Variants in CEACAM8 observed in about 807,000 individuals in gnomAD.
CEACAM8 encodes cell adhesion molecule CEACAM8.
CEACAM8 carries 31 observed loss-of-function variants against 33.4 expected under a neutral mutation model. That is an observed-to-expected ratio of 0.93 (90% CI 0.70 to 1.25). CEACAM8 has a LOEUF of 1.25. CEACAM8 is among the 50% of genes most tolerant of loss of function. The probability of loss-of-function intolerance (pLI) is 0.00; values close to 1 mark genes in which losing one functional copy is unlikely to be tolerated. For synonymous variants in CEACAM8, 138 were observed against 164.5 expected (o/e 0.84, Z 1.23); for missense variants, 388 against 434.6 (o/e 0.89, Z 0.95).
chr19:42,589,022 G>T lies in CEACAM8; in HGVS notation c.720C>A (p.Pro240=). Residue 240 remains proline (P), a synonymous_variant, in exon 4 of 6, where the codon CCC becomes CCA. Transcript: ENST00000244336. The part of the protein sequence containing the change: ...TLNVLYGPDA[P]TISPSDTYYH... ...AATAGGTGTCTGAAGGGGAAATGGT[G>T]GGGGCATCTGGGCCATCTAGAGCAA... The T allele has an allele frequency of 6.2e-7, 1 of 1,613,538 alleles. No homozygotes were observed. The highest frequency in any genetic ancestry group is 8.5e-7 in the Non-Finnish European group (1 of 1,179,534).
intron 3 of CEACAM8, 150 bp from the exon 4 acceptor site, chr19:42,589,188 GA>G (rs1409866385): frequency 1.9e-6 from 2 of 1,062,410 alleles, no homozygotes; most frequent in Non-Finnish European, 2.7e-6. Context: ...TGTTTCTACT[GA>G]GACAGAGTCC....
intron 3 of CEACAM8, 49 bp downstream of exon 3, chr19:42,589,408 G>A (rs758297033): frequency 8.7e-6 from 14 of 1,612,690 alleles, no homozygotes; most frequent in Admixed American, 8.3e-5. Context: ...CTCTGGCTGC[G>A]TGGATTTGGG....
chr19:42,581,946 TA>T (rs1555805384), intron 5 of CEACAM8, among the ~76,000 whole-genome samples: 1 of 84,076 alleles, frequency 1.2e-5, no homozygotes, highest in Non-Finnish European at 2.3e-5. Context: ...TATATATATA[TA>T]AAATAAGGTG....
chr19:42,591,094 G>A (rs531869611), intron 2 of CEACAM8, among the ~76,000 whole-genome samples: 42 of 152,062 alleles, frequency 2.8e-4, no homozygotes, highest in Non-Finnish European at 5.6e-4. Context: ...GATTTTTGAT[G>A]GTCAATGTGT....
chr19:42,588,229 C>T (rs1266221636), intron 4 of CEACAM8, among the ~76,000 whole-genome samples: 2 of 152,150 alleles, frequency 1.3e-5, no homozygotes, highest in African/African-American at 2.4e-5. Context: ...GCCACCTGAG[C>T]ACCTTTTCCA....
chr19:42,582,627 G>T (rs1306450718), intron 5 of CEACAM8, among the ~76,000 whole-genome samples: 1 of 152,164 alleles, frequency 6.6e-6, no homozygotes. Context: ...CATAGCATTG[G>T]AACTAAGAAT....
Position 42,591,570 on chromosome 19 carries a change from C to A in CEACAM8, c.425-1835G>T, listed in dbSNP as rs374902521. On this transcript the variant is annotated intron_variant, in intron 2 of 5. Coordinates refer to ENST00000244336, the MANE Select transcript of CEACAM8 (RefSeq NM_001816.4). ...GAGCCCAAAACAGGTATGCGCAATG[C>A]TTTCTTCATTTTCTCTTGACCTCGG... Among the ~76,000 whole-genome samples, 37 of 152,320 alleles carry A rather than the reference C, an allele frequency of 2.4e-4. No homozygotes were observed. In the South Asian group the frequency reaches 7.7e-3, roughly 32 times the overall value.
chr19:42,589,153 CA>C, intron 3 of CEACAM8, 115 bp from the exon 4 acceptor site: 1 of 1,225,446 alleles, frequency 8.2e-7, no homozygotes, highest in Non-Finnish European at 1.1e-6. Context: ...AGCCAAGTCC[CA>C]ACCAACCCCA....
Position 42,590,801 on chromosome 19 carries a change from G to A in CEACAM8, c.425-1066C>T, listed in dbSNP as rs912357598. ...GTGGGGGGAATGGAGAGTTGTTCAT[G>A]GGTCTGCAGTTTCAGTTACACAGGA... On this transcript the variant is annotated intron_variant, in intron 2 of 5. Transcript: ENST00000244336. Among the ~76,000 whole-genome samples, 4 of 152,178 alleles carry A rather than the reference G, an allele frequency of 2.6e-5. No homozygotes were observed. In the East Asian group the frequency reaches 5.8e-4, roughly 22 times the overall value.
At chr19:42,585,542 T>G (rs2042322723) in intron 4 of CEACAM8, among the ~76,000 whole-genome samples, 1 of 152,118 alleles carries the variant, frequency 6.6e-6, no homozygotes, top group Non-Finnish European at 1.5e-5. Flanking sequence ...TTGACAAAAT[T>G]CAACATTCTT....
intron 4 of CEACAM8, among the ~76,000 whole-genome samples, chr19:42,584,368 T>C (rs2042301474): frequency 6.6e-6 from 1 of 152,268 alleles, no homozygotes; most frequent in African/African-American, 2.4e-5. Context: ...CTAAATACTT[T>C]ACCTCATTTG....
chr19:42,580,777 T>G lies in CEACAM8; in HGVS notation c.*617A>C, dbSNP rs904436690. ...TCTGAAAAAGAAAACACTTAAAGAA[T>G]TGGCAATTTTTCAAATAAAAAATCT... On this transcript the variant is annotated 3_prime_UTR_variant, in exon 6 of 6. Coordinates refer to ENST00000244336, the MANE Select transcript of CEACAM8 (RefSeq NM_001816.4). 5.3e-5 allele frequency: 8 copies of G among 152,056 alleles called. No homozygotes were observed. Among genetic ancestry groups the G allele is most frequent in the African/African-American group, 1.9e-4 (8 of 41,388 alleles). 9.4% of individuals were successfully genotyped at this position (152,056 alleles called of 1,614,324 possible). A position where few individuals can be genotyped will look rare whatever the true frequency, so the allele number is the denominator to read the frequency against.
chr19:42,582,143 A>G (rs2042270740), intron 5 of CEACAM8, among the ~76,000 whole-genome samples: 1 of 151,562 alleles, frequency 6.6e-6, no homozygotes, highest in Non-Finnish European at 1.5e-5. Context: ...GGAGTTCTCC[A>G]TCCTGGTTAC....
intron 4 of CEACAM8, among the ~76,000 whole-genome samples, 160 bp downstream of exon 4, chr19:42,588,624 A>G (rs45572534): frequency 6.6e-6 from 1 of 152,132 alleles, no homozygotes. Flanking sequence ...GGCAGAAGAG[A>G]GTCTATAGAG....
Position 42,593,787 on chromosome 19 carries a change from G to A in CEACAM8, c.178C>T (p.Gln60Ter). The change falls in exon 2 of 6, where the codon CAG (glutamine) becomes TAG (stop). Residue 60 changes from glutamine (Q) to a stop codon, truncating the protein, a stop_gained. Transcript: ENST00000244336. LOFTEE classifies it high-confidence loss of function. ...TACCAGTTGTAGCCACGAGGGTCCT[G>A]GGGCAGATTGTGGACAAGTAGAAGA... ...EVLLLVHNLP[Q>*]DPRGYNWYKG... 1.2e-6 allele frequency: 2 copies of A among 1,614,024 alleles called. No homozygotes were observed. Among genetic ancestry groups the A allele is most frequent in the South Asian group, 2.2e-5 (2 of 91,066 alleles).
chr19:42,592,597 C>CAAAA (rs922130468), intron 2 of CEACAM8, among the ~76,000 whole-genome samples: 8 of 41,792 alleles, frequency 1.9e-4, no homozygotes, highest in African/African-American at 3.5e-4. Context: ...GACTCCGTCT[C>CAAAA]AAAAAAAAAA....
rs184895640 is a variant in CEACAM8, at chr19:42,580,254, T to C, written c.*1140A>G. ...CACAGACTCCTCTCTGATCAGCCAA[T>C]AGGGAGCAATTTTATTATCTAGCAT... On this transcript the variant is annotated 3_prime_UTR_variant, in exon 6 of 6. Transcript: ENST00000244336. 1 of 152,210 alleles carries C rather than the reference T, an allele frequency of 6.6e-6. No individual in the cohort carries two copies. Among genetic ancestry groups the C allele is most frequent in the African/African-American group, 2.4e-5 (1 of 41,444 alleles). The allele number at this position is 152,210 out of a possible 1,614,324, so 9.4% of individuals were successfully genotyped here. A position where few individuals can be genotyped will look rare whatever the true frequency, so the allele number is the denominator to read the frequency against.
chr19:42,593,310 C>T (rs2042479879), intron 2 of CEACAM8, among the ~76,000 whole-genome samples: 1 of 152,182 alleles, frequency 6.6e-6, no homozygotes, highest in Non-Finnish European at 1.5e-5. Flanking sequence ...TGCTGAGTCC[C>T]CCCATCAGAC....
At chr19:42,582,011 C>A (rs895817882) in intron 5 of CEACAM8, among the ~76,000 whole-genome samples, 4 of 134,930 alleles carry the variant, frequency 3.0e-5, no homozygotes, top group Non-Finnish European at 6.2e-5. Context: ...CTTGGTGGAG[C>A]CCATTAATGA....
Sources: gnomAD v4.1 joint callset for allele counts (sites outside exome capture counted in the v4.1 genomes callset) on GRCh38, gnomAD v4.1.1 for gene constraint, MANE v1.5 for transcripts, NCBI Gene and HGNC (gene_info 2026-07-23, HGNC 2026-07-21) for gene names.